PLEKHH1: variants seen among roughly 807,000 people sequenced by gnomAD.
PLEKHH1 encodes pleckstrin homology, MyTH4 and FERM domain containing H1.
A neutral mutation model predicts 160.0 loss-of-function variants in PLEKHH1; 104 were observed. The ratio of observed to expected loss-of-function variants is 0.65; its 90% CI spans 0.55 to 0.76. The LOEUF (loss-of-function observed/expected upper bound fraction) is 0.76. Ranked by LOEUF, PLEKHH1 falls within the 30% of genes least tolerant of loss-of-function variation. PLEKHH1 has a pLI of 0.00. For synonymous variants in PLEKHH1, 619 were observed against 678.4 expected, an observed-to-expected ratio of 0.91 and a Z score of 1.36; for missense variants, 1,427 against 1,724.1, an observed-to-expected ratio of 0.83 and a Z score of 3.05.
intron 1 of PLEKHH1, among the ~76,000 whole-genome samples, chr14:67,535,698 G>T (rs1222387958): frequency 6.6e-6 from 1 of 152,044 alleles, no homozygotes; most frequent in Non-Finnish European, 1.5e-5. Context: ...ACATCTTTGG[G>T]CCACATCTCC....
At chr14:67,584,169 C>A in intron 26 of PLEKHH1, 45 bp downstream of exon 26, 2 of 1,591,512 alleles carry the variant, frequency 1.3e-6, no homozygotes, top group South Asian at 2.2e-5. Flanking sequence ...AGGTGTGTCC[C>A]CAACTGCTCA....
chr14:67,561,917 C>T (rs2140418283), intron 5 of PLEKHH1, 37 bp from the exon 6 acceptor site: 3 of 1,328,510 alleles, frequency 2.3e-6, no homozygotes, highest in South Asian at 2.4e-5. Context: ...AACCTGTAGG[C>T]TGGGTGTCCT....
In PLEKHH1 at chr14:67,573,798, C is replaced by T; in HGVS notation, c.1840-3C>T. On this transcript the variant is annotated splice_region_variant and splice_polypyrimidine_tract_variant and intron_variant, in intron 12 of 28. Coordinates refer to ENST00000329153, the MANE Select transcript of PLEKHH1 (RefSeq NM_020715.3). This position sits in a 1 kb window ranked among gnomAD's most constrained non-coding sequence, Gnocchi z 4.8. Reference sequence around the variant, plus strand: ...GCTCTCCTCTCCAATACTTTCTTTACAGAGTGATGTCATCCGGAAACCTCA... The same window carrying T: ...GCTCTCCTCTCCAATACTTTCTTTATAGAGTGATGTCATCCGGAAACCTCA... 6.2e-7 allele frequency: 1 copy of T among 1,603,642 alleles called. No homozygotes were observed. The highest frequency in any genetic ancestry group is 1.1e-5 in the South Asian group (1 of 90,868).
intron 2 of PLEKHH1, among the ~76,000 whole-genome samples, chr14:67,550,192 T>C (rs2034342527): frequency 6.6e-6 from 1 of 151,942 alleles, no homozygotes; most frequent in Admixed American, 6.6e-5. Flanking sequence ...ATTGTCTTTA[T>C]ATTTTTTATT....
chr14:67,561,007 G>A (rs4902488), intron 5 of PLEKHH1, among the ~76,000 whole-genome samples: 135,911 of 152,226 alleles, frequency 0.89, 61,012 homozygotes, highest in Non-Finnish European at 0.95. Flanking sequence ...CTAGGATTAC[G>A]GGTGTGAGCC....
rs2035714440 is a variant in PLEKHH1, at chr14:67,578,158, C to G, written c.2710C>G (p.Gln904Glu). ...TGAGATCTACTGCCAACTCATGAAG[C>G]AGACCAGCTGCCGCCCACCTCAGAA... ...QSEIYCQLMK[Q>E]TSCRPPQKYS... Residue 904 changes from glutamine to glutamate, a missense_variant, in exon 19 of 29, where the codon CAG (glutamine) becomes GAG (glutamate). Gln to Glu is a conservative substitution (Grantham distance 29, BLOSUM62 2). This residue lies in a region of PLEKHH1 where 436 missense variants were observed against 607.5 expected (regional missense o/e 0.72). Coordinates refer to ENST00000329153, the MANE Select transcript of PLEKHH1 (RefSeq NM_020715.3). This position sits in a 1 kb window ranked among gnomAD's most constrained non-coding sequence, Gnocchi z 5.0. 44 of 1,613,842 alleles carry G rather than the reference C, an allele frequency of 2.7e-5. No homozygotes were observed. Among genetic ancestry groups the G allele is most frequent in the Non-Finnish European group, 3.7e-5 (44 of 1,179,888 alleles).
At position 67,574,732 on chromosome 14, in the gene PLEKHH1, G is replaced by C. The variant is rs1282639817; in HGVS notation, c.2088+329G>C. On this transcript the variant is annotated intron_variant, in intron 14 of 28. Transcript: ENST00000329153. The surrounding 1 kb of genome is among the most constrained non-coding windows in gnomAD (Gnocchi z 4.2). ...CTCAGTGTTAATAGTGGGAGGAAGAGGCCTGGGCGAGGTAGGTATGGCTCC... is the reference window on the plus strand; with the variant it reads ...CTCAGTGTTAATAGTGGGAGGAAGACGCCTGGGCGAGGTAGGTATGGCTCC... Among the ~76,000 whole-genome samples the C allele has an allele frequency of 1.3e-5, 2 of 152,044 alleles. No individual in the cohort carries two copies. The highest frequency in any genetic ancestry group is 2.9e-5 in the Non-Finnish European group (2 of 68,008).
At chr14:67,566,768 GT>G (rs2035115677) in intron 7 of PLEKHH1, among the ~76,000 whole-genome samples, 1 of 149,762 alleles carries the variant, frequency 6.7e-6, no homozygotes, top group South Asian at 2.1e-4. Flanking sequence ...AAAAAAAAGA[GT>G]GGGTCTTCTC....
Position 67,582,284 on chromosome 14 carries a change from A to C in PLEKHH1, c.3426+74A>C. ...GAATGCACCATGCAGCCTGAAACAC[A>C]GGAGAGATTCTGCAGATCCTGTGGT... is the stretch of plus-strand genomic sequence containing the variant. On this transcript the variant is annotated intron_variant, in intron 24 of 28. Coordinates refer to ENST00000329153, the MANE Select transcript of PLEKHH1 (RefSeq NM_020715.3). This position sits in a 1 kb window ranked among gnomAD's most constrained non-coding sequence, Gnocchi z 5.0. 6.2e-7 allele frequency: 1 copy of C among 1,606,810 alleles called. No individual in the cohort carries two copies. Among genetic ancestry groups the C allele is most frequent in the Non-Finnish European group, 8.5e-7 (1 of 1,177,462 alleles).
At chr14:67,561,902 A>G (rs891195904) in intron 5 of PLEKHH1, 52 bp from the exon 6 acceptor site, 4 of 1,326,146 alleles carry the variant, frequency 3.0e-6, no homozygotes, top group Admixed American at 3.6e-5. Context: ...GAAAAAATAC[A>G]TCTAAACCTG....
At chr14:67,552,296 A>G (rs2034423305) in intron 2 of PLEKHH1, among the ~76,000 whole-genome samples, 1 of 152,254 alleles carries the variant, frequency 6.6e-6, no homozygotes, top group African/African-American at 2.4e-5. Context: ...CTATAGCACC[A>G]GCTTTGCAGA....
At position 67,562,030 on chromosome 14, in the gene PLEKHH1, T is replaced by C; in HGVS notation, c.500T>C (p.Leu167Pro). ...CAGGTGGGATCCCTTCAAGATGCGC[T>C]AGAAGGTAGGCAGGCCAGGGTGTGC... ...VEQVGSLQDA[L>P]EAIQIAPSRK... The change falls in exon 6 of 29, where the codon CTA becomes CCA. Residue 167 changes from leucine (L) to proline (P), a missense_variant. Transcript: ENST00000329153. 2 of 1,613,666 alleles carry C rather than the reference T, an allele frequency of 1.2e-6. No individual in the cohort carries two copies. Among genetic ancestry groups the C allele is most frequent in the Non-Finnish European group, 1.7e-6 (2 of 1,179,594 alleles).
chr14:67,576,068 C>A lies in PLEKHH1; in HGVS notation c.2352+63C>A. 1 of 1,315,880 alleles carries A rather than the reference C, an allele frequency of 7.6e-7. No homozygotes were observed. The highest frequency in any genetic ancestry group is 1.4e-5 in the South Asian group (1 of 72,892). 81.5% of individuals were successfully genotyped at this position (1,315,880 alleles called of 1,614,324 possible). A position where few individuals can be genotyped will look rare whatever the true frequency, so the allele number is the denominator to read the frequency against. Reference sequence around the variant, plus strand: ...ACCTGTGATTCTGATCTTCCCTTCTCTCTTTCTCCTGAGCTTCCCAAAATT... The same window carrying A: ...ACCTGTGATTCTGATCTTCCCTTCTATCTTTCTCCTGAGCTTCCCAAAATT... On this transcript the variant is annotated intron_variant, in intron 16 of 28. Transcript: ENST00000329153. This position sits in a 1 kb window ranked among gnomAD's most constrained non-coding sequence, Gnocchi z 4.0.
Position 67,582,296 on chromosome 14 carries a change from G to GC in PLEKHH1, c.3426+87dup. On this transcript the variant is annotated intron_variant, in intron 24 of 28. Coordinates refer to ENST00000329153, the MANE Select transcript of PLEKHH1 (RefSeq NM_020715.3). This position sits in a 1 kb window ranked among gnomAD's most constrained non-coding sequence, Gnocchi z 5.0. ...CAGCCTGAAACACAGGAGAGATTCTGCAGATCCTGTGGTGCTCAGGAGAGG... is the reference window on the plus strand; with the variant it reads ...CAGCCTGAAACACAGGAGAGATTCTGCCAGATCCTGTGGTGCTCAGGAGAGG... The GC allele has an allele frequency of 6.3e-7, 1 of 1,598,484 alleles. No homozygotes were observed. The highest frequency in any genetic ancestry group is 8.5e-7 in the Non-Finnish European group (1 of 1,173,080).
intron 1 of PLEKHH1, among the ~76,000 whole-genome samples, chr14:67,537,380 A>ATT (rs1362604723): frequency 3.3e-4 from 32 of 96,632 alleles, no homozygotes; most frequent in Admixed American, 2.3e-3. Flanking sequence ...TAATAATAAT[A>ATT]AAAACTTAAT....
chr14:67,539,324 T>C (rs1464018420), intron 1 of PLEKHH1, among the ~76,000 whole-genome samples: 2 of 152,298 alleles, frequency 1.3e-5, no homozygotes, highest in Admixed American at 6.5e-5. Flanking sequence ...GTCCTAGTCT[T>C]TTGAGATGGG....
chr14:67,586,263 T>C (rs2036156843), intron 28 of PLEKHH1, 166 bp downstream of exon 28: 2 of 1,087,978 alleles, frequency 1.8e-6, no homozygotes, highest in Non-Finnish European at 2.8e-6. Context: ...GTGTTGCATC[T>C]CCGTATCAAT....
At chr14:67,565,462 C>T (rs2035046033) in intron 7 of PLEKHH1, among the ~76,000 whole-genome samples, 1 of 152,126 alleles carries the variant, frequency 6.6e-6, no homozygotes, top group African/African-American at 2.4e-5. Flanking sequence ...CCAGGCTAGT[C>T]TCAAACTCCT....
intron 1 of PLEKHH1, among the ~76,000 whole-genome samples, chr14:67,536,912 C>T (rs576197395): frequency 2.6e-5 from 4 of 151,522 alleles, no homozygotes; most frequent in Middle Eastern, 3.4e-3. Context: ...TGGTGGCATC[C>T]GCCTGTAATC....
Sources: allele counts gnomAD v4.1 joint callset (sites outside exome capture counted in the v4.1 genomes callset), GRCh38; gene constraint gnomAD v4.1.1; regional missense constraint gnomAD v4.1.1; non-coding constraint Gnocchi (gnomAD v3.1); transcripts MANE v1.5; gene names NCBI Gene and HGNC (gene_info 2026-07-23, HGNC 2026-07-21).